Variants in TECRL observed in about 807,000 individuals in gnomAD.
The protein encoded by TECRL is trans-2,3-enoyl-CoA reductase-like.
TECRL carries 63 observed loss-of-function variants against 52.8 expected under a neutral mutation model. The observed-to-expected ratio is 1.19, with a 90% CI of 0.97 to 1.47. TECRL has a LOEUF of 1.47. TECRL is among the 40% of genes most tolerant of loss of function. TECRL has a pLI of 0.00. For missense variants in TECRL, 482 were observed against 429.6 expected (o/e 1.12, Z -1.08); for synonymous variants, 164 against 141.9 (o/e 1.16, Z -1.10).
intron 5 of TECRL, among the ~76,000 whole-genome samples, chr4:64,310,294 A>T (rs1724595323): frequency 6.6e-6 from 1 of 152,216 alleles, no homozygotes; most frequent in Non-Finnish European, 1.5e-5. Flanking sequence ...AGTTTTAAAA[A>T]TATCCAAAGC....
At chr4:64,396,898 A>C (rs1251384619) in intron 1 of TECRL, among the ~76,000 whole-genome samples, 2 of 152,022 alleles carry the variant, frequency 1.3e-5, no homozygotes, top group Non-Finnish European at 2.9e-5. Context: ...CAGCACTATT[A>C]AGTGAATAGG....
chr4:64,386,092 C>G lies in TECRL; in HGVS notation c.235-10869G>C, dbSNP rs1258358174. Among the ~76,000 whole-genome samples the G allele has an allele frequency of 2.0e-5, 3 of 152,048 alleles. No homozygotes were observed. The East Asian group carries it at 5.8e-4, about 29-fold the overall frequency. On this transcript the variant is annotated intron_variant, in intron 1 of 11. Coordinates refer to ENST00000381210, the MANE Select transcript of TECRL (RefSeq NM_001010874.5). ...GTGCCTCTAGTCAGCCATCCTGAAG[C>G]CCACATATAACTTTTGATTCCCCAA...
chr4:64,325,103 A>T (rs925733290), intron 3 of TECRL, among the ~76,000 whole-genome samples: 11 of 152,166 alleles, frequency 7.2e-5, no homozygotes, highest in Non-Finnish European at 1.2e-4. Flanking sequence ...TGGCTTGAAG[A>T]TGGAGAAGGT....
intron 1 of TECRL, among the ~76,000 whole-genome samples, chr4:64,384,716 G>A (rs1723055518): frequency 6.6e-6 from 1 of 152,074 alleles, no homozygotes; most frequent in Non-Finnish European, 1.5e-5. Flanking sequence ...ATGGACACAG[G>A]TTGTGGCTGG....
chr4:64,354,947 T>C (rs1720659682), intron 2 of TECRL, among the ~76,000 whole-genome samples: 1 of 152,164 alleles, frequency 6.6e-6, no homozygotes, highest in South Asian at 2.1e-4. Flanking sequence ...ACTATTTTCC[T>C]TTAGTAAAAA....
At chr4:64,335,249 T>C (rs1718973211) in intron 2 of TECRL, among the ~76,000 whole-genome samples, 1 of 152,122 alleles carries the variant, frequency 6.6e-6, no homozygotes, top group Non-Finnish European at 1.5e-5. Flanking sequence ...GAGCTCTGGC[T>C]CCTTGTCAGA....
chr4:64,342,200 G>C (rs1719626361), intron 2 of TECRL, among the ~76,000 whole-genome samples: 1 of 152,020 alleles, frequency 6.6e-6, no homozygotes, highest in African/African-American at 2.4e-5. Context: ...CCCTGTTTTT[G>C]GTCTTTATAT....
At chr4:64,396,123 G>A (rs1004407387) in intron 1 of TECRL, among the ~76,000 whole-genome samples, 3 of 145,182 alleles carry the variant, frequency 2.1e-5, no homozygotes, top group Non-Finnish European at 4.5e-5. Flanking sequence ...GAATACTGCT[G>A]TGATGAATAT....
At chr4:64,342,275 A>G (rs1477082970) in intron 2 of TECRL, among the ~76,000 whole-genome samples, 2 of 152,134 alleles carry the variant, frequency 1.3e-5, no homozygotes, top group Non-Finnish European at 2.9e-5. Context: ...TGAAATCTCC[A>G]TGAGAACAAG....
chr4:64,388,704 A>T (rs924419175), intron 1 of TECRL, among the ~76,000 whole-genome samples: 4 of 151,874 alleles, frequency 2.6e-5, no homozygotes, highest in Non-Finnish European at 5.9e-5. Flanking sequence ...TTTCACATCC[A>T]GAGTATTTTA....
chr4:64,329,559 A>G (rs1253484084), intron 2 of TECRL, among the ~76,000 whole-genome samples: 2 of 151,916 alleles, frequency 1.3e-5, no homozygotes, highest in African/African-American at 2.4e-5. Context: ...TCTAAAGTCT[A>G]TTATGTGTGG....
chr4:64,347,872 A>G (rs552734354), intron 2 of TECRL, among the ~76,000 whole-genome samples: 1 of 152,122 alleles, frequency 6.6e-6, no homozygotes, highest in African/African-American at 2.4e-5. Context: ...ATGTCTTTTC[A>G]CATTAAAACC....
At chr4:64,370,007 G>A (rs1429043092) in intron 2 of TECRL, among the ~76,000 whole-genome samples, 2 of 151,562 alleles carry the variant, frequency 1.3e-5, no homozygotes, top group Non-Finnish European at 3.0e-5. Context: ...TAGCCCAAAG[G>A]CATATATATC....
chr4:64,344,499 G>C (rs1298674671), intron 2 of TECRL, among the ~76,000 whole-genome samples: 1 of 152,124 alleles, frequency 6.6e-6, no homozygotes, highest in African/African-American at 2.4e-5. Flanking sequence ...TTTGCATTCA[G>C]ATTGGAAAGT....
chr4:64,289,860 A>G, intron 8 of TECRL, 93 bp from the exon 9 acceptor site: 1 of 716,688 alleles, frequency 1.4e-6, no homozygotes. Flanking sequence ...TGTGTTGTAC[A>G]TTAATCCCAA....
In TECRL at chr4:64,301,965, T is replaced by A. The variant is rs189987705; in HGVS notation, c.731-1948A>T. 5.8e-3 allele frequency among the ~76,000 whole-genome samples: 877 copies of A among 151,452 alleles called. 14 individuals are homozygous for A. The highest frequency in any genetic ancestry group is 0.02 in the African/African-American group (847 of 41,518). On this transcript the variant is annotated intron_variant, in intron 7 of 11. Transcript: ENST00000381210. Reference sequence around the variant, plus strand: ...TATTAAAATGTTTAATAATATTTTATAATCTGTATAATGTTTCACATTTAG... The same window carrying A: ...TATTAAAATGTTTAATAATATTTTAAAATCTGTATAATGTTTCACATTTAG...
chr4:64,324,427 GTTAT>G (rs1718114509), intron 3 of TECRL, among the ~76,000 whole-genome samples: 1 of 151,744 alleles, frequency 6.6e-6, no homozygotes, highest in African/African-American at 2.4e-5. Context: ...CTTAACATAT[GTTAT>G]TTGTGATTTA....
chr4:64,366,727 A>C (rs1296841655), intron 2 of TECRL, among the ~76,000 whole-genome samples: 1 of 152,162 alleles, frequency 6.6e-6, no homozygotes, highest in Non-Finnish European at 1.5e-5. Context: ...CAAAATGGCT[A>C]TTGTTAAAAA....
intron 1 of TECRL, among the ~76,000 whole-genome samples, chr4:64,384,626 C>A (rs1468168928): frequency 2.0e-5 from 3 of 152,026 alleles, no homozygotes; most frequent in Non-Finnish European, 4.4e-5. Context: ...AATCCTTACA[C>A]CCTTAAATGA....
Sources: gnomAD v4.1 joint callset for allele counts (sites outside exome capture counted in the v4.1 genomes callset) on GRCh38, gnomAD v4.1.1 for gene constraint, MANE v1.5 for transcripts, NCBI Gene and HGNC (gene_info 2026-07-23, HGNC 2026-07-21) for gene names.